DNAH6: variants seen among roughly 807,000 people sequenced by gnomAD.
DNAH6 encodes axonemal beta dynein heavy chain 6.
A neutral mutation model predicts 491.4 loss-of-function variants in DNAH6; 340 were observed. The ratio of observed to expected loss-of-function variants is 0.69; its 90% CI spans 0.63 to 0.76. The LOEUF is 0.76. Among genes scored for constraint, DNAH6 ranks in the 30% least tolerant of loss-of-function variants. DNAH6 has a pLI of 0.00. For synonymous variants in DNAH6, 1,603 were observed against 1,686.1 expected (o/e 0.95, Z 1.21); for missense variants, 4,443 against 4,972.2 (o/e 0.89, Z 3.20).
intron 63 of DNAH6, among the ~76,000 whole-genome samples, chr2:84,753,297 T>C (rs1453551089): frequency 6.6e-6 from 1 of 152,208 alleles, no homozygotes; most frequent in East Asian, 1.9e-4. Context: ...AGATATATGA[T>C]TTGCAAGAAT....
intron 33 of DNAH6, 40 bp downstream of exon 33, chr2:84,642,094 C>T (rs530167056): frequency 1.6e-5 from 21 of 1,298,570 alleles, no homozygotes; most frequent in Middle Eastern, 1.8e-4. Flanking sequence ...ATGGCTATCA[C>T]GTAGAGGCAA....
intron 30 of DNAH6, among the ~76,000 whole-genome samples, chr2:84,635,218 CA>C (rs1688762012): frequency 6.6e-6 from 1 of 151,988 alleles, no homozygotes; most frequent in African/African-American, 2.4e-5. Flanking sequence ...TCGCCCTCTG[CA>C]AAAAAGCGAA....
chr2:84,659,047 A>G lies in DNAH6; in HGVS notation c.5962A>G (p.Ile1988Val), dbSNP rs1477901988. ...TCAGGAACAAACAAAATTGAACACTATACTATGTCAGACTTTTGTATTCTG... is the reference window on the plus strand; with the variant it reads ...TCAGGAACAAACAAAATTGAACACTGTACTATGTCAGACTTTTGTATTCTG... ...LAMEQTKLNT[I>V]LCQTFVFCYL... Residue 1988 changes from isoleucine to valine, a missense_variant, in exon 37 of 77, where the codon ATA becomes GTA. Ile to Val is a conservative substitution (Grantham distance 29). Coordinates refer to ENST00000389394, the MANE Select transcript of DNAH6 (RefSeq NM_001370.2). 8.9e-6 allele frequency: 13 copies of G among 1,461,728 alleles called. No individual in the cohort carries two copies. The highest frequency in any genetic ancestry group is 2.8e-5 in the African/African-American group (2 of 70,596). The allele number at this position is 1,461,728 out of a possible 1,614,324, so 90.5% of individuals were successfully genotyped here.
chr2:84,487,749 G>A, the DNAH6 span, among the ~76,000 whole-genome samples: 1 of 152,220 alleles, frequency 6.6e-6, no homozygotes, highest in Non-Finnish European at 1.5e-5. Context: ...GGGCCCACTG[G>A]TGGAAGAAGC....
intron 9 of DNAH6, 68 bp downstream of exon 9, chr2:84,550,125 A>G: frequency 1.6e-6 from 2 of 1,244,300 alleles, no homozygotes; most frequent in African/African-American, 3.0e-5. Context: ...ACTACGCTCT[A>G]TGAATTATGC....
At chr2:84,503,310 A>C in the DNAH6 span, among the ~76,000 whole-genome samples, 4 of 151,998 alleles carry the variant, frequency 2.6e-5, no homozygotes, top group African/African-American at 9.7e-5. Context: ...CAAATTTTAA[A>C]CTTTTTGTTG....
In DNAH6 at chr2:84,670,473, T is replaced by C. The variant is rs974489798; in HGVS notation, c.6452T>C (p.Leu2151Pro). 2.0e-6 allele frequency: 3 copies of C among 1,514,540 alleles called. No individual in the cohort carries two copies. In the African/African-American group the frequency reaches 4.2e-5, roughly 21 times the overall value. 93.8% of individuals were successfully genotyped at this position (1,514,540 alleles called of 1,614,324 possible). A position where few individuals can be genotyped will look rare whatever the true frequency, so the allele number is the denominator to read the frequency against. The change falls in exon 39 of 77, where the codon CTA (leucine) becomes CCA (proline). Residue 2151 changes from leucine (L) to proline (P), a missense_variant and splice_region_variant. Transcript: ENST00000389394. ...CTGGAGAGAAAAAGAAAAAATATTC[T>C]AGGTAAGAATCATTATTTTAGTTTG... ...SKLERKRKNI[L>P]GAPGNKRIVI...
chr2:84,777,794 C>A, intron 64 of DNAH6: 1 of 1,052,780 alleles, frequency 9.5e-7, no homozygotes, highest in Non-Finnish European at 1.5e-6. Flanking sequence ...TTTGGGGAAG[C>A]CACTTATCTT....
chr2:84,678,728 GC>G (rs1464982221), intron 41 of DNAH6, among the ~76,000 whole-genome samples: 1 of 152,112 alleles, frequency 6.6e-6, no homozygotes, highest in Non-Finnish European at 1.5e-5. Flanking sequence ...GCACATCATA[GC>G]TAAAAACTGG....
intron 21 of DNAH6, among the ~76,000 whole-genome samples, chr2:84,607,468 C>T (rs4832103): frequency 0.81 from 122,587 of 151,944 alleles, 52,132 homozygotes; most frequent in East Asian, 0.99. Flanking sequence ...ACATAATAGA[C>T]ACTGGAGACT....
the DNAH6 span, among the ~76,000 whole-genome samples, chr2:84,461,835 A>G: frequency 6.6e-6 from 1 of 152,182 alleles, no homozygotes; most frequent in East Asian, 1.9e-4. Context: ...TTACCTCCAC[A>G]TCCATAAGGA....
rs1367790540 is a variant in DNAH6, at chr2:84,607,048, C to T, written c.3247C>T (p.Arg1083Ter). ...SSRYLGPLKT[R>*]VDEWQKQLAL... The stretch of plus-strand genomic sequence containing the variant: ...ACGTTACCTTGGTCCACTGAAAACT[C>T]GAGTGGATGAATGGCAAAAACAACT... The change falls in exon 21 of 77, where the codon CGA becomes TGA. Residue 1083 changes from arginine (R) to a stop codon, truncating the protein, a stop_gained. Coordinates refer to ENST00000389394, the MANE Select transcript of DNAH6 (RefSeq NM_001370.2). LOFTEE classifies it high-confidence loss of function. 2.6e-6 allele frequency: 4 copies of T among 1,551,156 alleles called. No homozygotes were observed. Among genetic ancestry groups the T allele is most frequent in the Non-Finnish European group, 3.5e-6 (4 of 1,146,694 alleles).
intron 29 of DNAH6, among the ~76,000 whole-genome samples, chr2:84,631,057 AAAAAC>A (rs982567510): frequency 2.6e-5 from 4 of 152,166 alleles, no homozygotes; most frequent in East Asian, 1.9e-4. Flanking sequence ...TTCGTCTCTG[AAAAAC>A]AAAACAAAAC....
At chr2:84,558,159 G>A (rs1285361256) in intron 11 of DNAH6, among the ~76,000 whole-genome samples, 1 of 152,086 alleles carries the variant, frequency 6.6e-6, no homozygotes, top group African/African-American at 2.4e-5. Context: ...CTGGCACAGT[G>A]GCTCACACCT....
At chr2:84,691,195 A>C (rs969989279) in intron 45 of DNAH6, among the ~76,000 whole-genome samples, 9 of 152,238 alleles carry the variant, frequency 5.9e-5, no homozygotes, top group African/African-American at 1.9e-4. Flanking sequence ...GAAAAAAATA[A>C]TACTACAAAG....
chr2:84,784,325 T>C (rs1482847690), intron 65 of DNAH6, among the ~76,000 whole-genome samples: 1 of 152,210 alleles, frequency 6.6e-6, no homozygotes, highest in African/African-American at 2.4e-5. Flanking sequence ...TTTTGGCCAT[T>C]TTCATGCAAC....
At chr2:84,706,800 G>A (rs558005533) in intron 52 of DNAH6, 96 bp from the exon 53 acceptor site, 1 of 1,386,398 alleles carries the variant, frequency 7.2e-7, no homozygotes, top group East Asian at 2.8e-5. Context: ...CATGAAAAGA[G>A]GAACATATAT....
At chr2:84,730,888 A>G (rs1020310461) in intron 61 of DNAH6, among the ~76,000 whole-genome samples, 4 of 152,218 alleles carry the variant, frequency 2.6e-5, no homozygotes, top group African/African-American at 9.6e-5. Context: ...AATGCCTATG[A>G]ACGTTAACTA....
In DNAH6 at chr2:84,562,084, T is replaced by A. The variant is rs957217840; in HGVS notation, c.1803+4149T>A. Among the ~76,000 whole-genome samples, 62 of 151,898 alleles carry A rather than the reference T, an allele frequency of 4.1e-4. 1 individual carries two copies. The highest frequency in any genetic ancestry group is 5.2e-4 in the Admixed American group (8 of 15,244). On this transcript the variant is annotated intron_variant, in intron 11 of 76. Coordinates refer to ENST00000389394, the MANE Select transcript of DNAH6 (RefSeq NM_001370.2). ...AGTAGAAATAGTGCAACTGTAAAAATAGAGAAGGAGGAGAATAAGAGAAAA... is the reference window on the plus strand; with the variant it reads ...AGTAGAAATAGTGCAACTGTAAAAAAAGAGAAGGAGGAGAATAAGAGAAAA...
Sources: gnomAD v4.1 joint callset for allele counts (sites outside exome capture counted in the v4.1 genomes callset) on GRCh38, gnomAD v4.1.1 for gene constraint, MANE v1.5 for transcripts, NCBI Gene and HGNC (gene_info 2026-07-23, HGNC 2026-07-21) for gene names.